CDC42BPA: variants seen among roughly 807,000 people sequenced by gnomAD.
CDC42BPA encodes the protein CDC42 binding protein kinase alpha.
CDC42BPA carries 80 observed loss-of-function variants against 223.5 expected under a neutral mutation model. That is an observed-to-expected ratio of 0.36 (90% CI 0.30 to 0.43). The LOEUF (loss-of-function observed/expected upper bound fraction) is 0.43, where lower values mean the gene tolerates loss of function less well. Among genes scored for constraint, CDC42BPA ranks in the 20% least tolerant of loss-of-function variants. The pLI is 1.00. For synonymous variants in CDC42BPA, 694 were observed against 718.6 expected, an observed-to-expected ratio of 0.97 and a Z score of 0.55; for missense variants, 1,743 against 2,099.9, an observed-to-expected ratio of 0.83 and a Z score of 3.32.
intron 2 of CDC42BPA, among the ~76,000 whole-genome samples, chr1:227,251,163 CTAAA>C (rs1397812391): frequency 1.3e-5 from 2 of 151,034 alleles, no homozygotes; most frequent in Non-Finnish European, 3.0e-5. Flanking sequence ...GTGGGTAAAC[CTAAA>C]TAAATAGGTA....
intron 16 of CDC42BPA, among the ~76,000 whole-genome samples, chr1:227,086,465 A>G (rs142404738): frequency 5.3e-5 from 8 of 152,190 alleles, no homozygotes; most frequent in African/African-American, 1.9e-4. Flanking sequence ...TAGTTCCTCC[A>G]TATCATCATC....
chr1:227,253,218 A>G (rs995059557), intron 2 of CDC42BPA, among the ~76,000 whole-genome samples: 4 of 148,922 alleles, frequency 2.7e-5, no homozygotes, highest in South Asian at 2.2e-4. Flanking sequence ...GAGAGAGGAG[A>G]GAGAGAGGAG....
rs1158018495 is a variant in CDC42BPA at position 227,199,589 on chromosome 1, A to G, written c.418T>C (p.Leu140=). Residue 140 remains leucine (L), a synonymous_variant, in exon 4 of 37, where the codon TTG becomes CTG. Transcript: ENST00000366766. Reference sequence around the variant, plus strand: ...TTGTCATCCTGGAAAGCATAGTGCAAGGTTGTAATCCATTTATTGTCTCCA... The same window carrying G: ...TTGTCATCCTGGAAAGCATAGTGCAGGGTTGTAATCCATTTATTGTCTCCA... ...VNGDNKWITT[L]HYAFQDDNNL... 11 of 1,602,720 alleles carry G rather than the reference A, an allele frequency of 6.9e-6. No individual in the cohort carries two copies. The highest frequency in any genetic ancestry group is 9.4e-6 in the Non-Finnish European group (11 of 1,171,166).
At chr1:227,140,818 C>G (rs920526137) in intron 9 of CDC42BPA, among the ~76,000 whole-genome samples, 1 of 152,000 alleles carries the variant, frequency 6.6e-6, no homozygotes. Context: ...TTTAAGTAGA[C>G]GAGAGGAGAG....
intron 6 of CDC42BPA, among the ~76,000 whole-genome samples, chr1:227,159,964 C>T (rs1663573185): frequency 6.6e-6 from 1 of 152,158 alleles, no homozygotes; most frequent in African/African-American, 2.4e-5. Flanking sequence ...CCACCTCAGA[C>T]TCCTCAGTAG....
At chr1:227,301,334 C>T (rs959879449) in intron 1 of CDC42BPA, among the ~76,000 whole-genome samples, 5 of 151,378 alleles carry the variant, frequency 3.3e-5, no homozygotes, top group African/African-American at 7.3e-5. Flanking sequence ...AAAATAAGAT[C>T]AGTGAAGTAG....
chr1:227,124,355 C>G (rs965880306), intron 11 of CDC42BPA, among the ~76,000 whole-genome samples: 3 of 152,016 alleles, frequency 2.0e-5, no homozygotes, highest in South Asian at 2.1e-4. Context: ...CAAGAAGTAT[C>G]TGGAGGAATG....
At chr1:227,165,519 TAAG>T (rs1664886179) in intron 5 of CDC42BPA, among the ~76,000 whole-genome samples, 1 of 152,032 alleles carries the variant, frequency 6.6e-6, no homozygotes, top group Non-Finnish European at 1.5e-5. Flanking sequence ...AATTGTTAGA[TAAG>T]AAAGGAAAAA....
intron 1 of CDC42BPA, among the ~76,000 whole-genome samples, chr1:227,262,704 C>A (rs981675514): frequency 6.6e-6 from 1 of 152,126 alleles, no homozygotes; most frequent in Non-Finnish European, 1.5e-5. Flanking sequence ...TTTTCACATC[C>A]GCAATCCCAG....
Position 227,147,498 on chromosome 1 carries a change from A to G in CDC42BPA, c.755T>C (p.Met252Thr). The change falls in exon 7 of 37, where the codon ATG becomes ACG. Residue 252 changes from methionine to threonine, a missense_variant. This residue lies in a region of CDC42BPA where 321 missense variants were observed against 488.7 expected (regional missense o/e 0.66). Coordinates refer to ENST00000366766, the MANE Select transcript of CDC42BPA (RefSeq NM_001394014.1). ...DYISPEILQA[M>T]EDGKGRYGPE... ...TCCATATCTCCCTTTTCCATCTTCC[A>G]TGGCTTGAAGGATTTCAGGAGAGAT... The G allele has an allele frequency of 1.2e-6, 2 of 1,613,406 alleles. No homozygotes were observed. Among genetic ancestry groups the G allele is most frequent in the Non-Finnish European group, 1.7e-6 (2 of 1,179,566 alleles).
chr1:227,176,146 T>G (rs1305985985), intron 5 of CDC42BPA, among the ~76,000 whole-genome samples: 1 of 152,154 alleles, frequency 6.6e-6, no homozygotes, highest in Admixed American at 6.5e-5. Flanking sequence ...AGAGACAGGG[T>G]TTCACCATGT....
intron 21 of CDC42BPA, among the ~76,000 whole-genome samples, chr1:227,062,010 T>C (rs1676018403): frequency 6.6e-6 from 1 of 152,258 alleles, no homozygotes; most frequent in South Asian, 2.1e-4. Flanking sequence ...AAAATGAAGC[T>C]GTCACCTTTC....
chr1:227,045,451 T>G (rs760685000), intron 23 of CDC42BPA, among the ~76,000 whole-genome samples: 1 of 152,240 alleles, frequency 6.6e-6, no homozygotes, highest in Non-Finnish European at 1.5e-5. Context: ...GACAGGTATT[T>G]GTCATCCACT....
intron 2 of CDC42BPA, among the ~76,000 whole-genome samples, chr1:227,213,450 G>A (rs372532323): frequency 6.6e-6 from 1 of 151,994 alleles, no homozygotes; most frequent in Non-Finnish European, 1.5e-5. Context: ...ATTTGTGAAC[G>A]CTGTATTAGT....
At position 227,068,654 on chromosome 1, in the gene CDC42BPA, G is replaced by A. The variant is rs774822677; in HGVS notation, c.2904+1123C>T. ...ATTGGTTTGAAAATCAAAGACTTAC[G>A]TCATCCAAAAAATCAATCAGTGAAG... On this transcript the variant is annotated intron_variant, in intron 21 of 36. Coordinates refer to ENST00000366766, the MANE Select transcript of CDC42BPA (RefSeq NM_001394014.1). The A allele has an allele frequency of 1.4e-5, 17 of 1,192,202 alleles. No homozygotes were observed. The Admixed American group carries it at 1.5e-4, about 11-fold the overall frequency. 73.9% of individuals were successfully genotyped at this position (1,192,202 alleles called of 1,614,324 possible).
chr1:227,194,469 A>G (rs1235374700), intron 4 of CDC42BPA, among the ~76,000 whole-genome samples: 1 of 152,226 alleles, frequency 6.6e-6, no homozygotes, highest in Non-Finnish European at 1.5e-5. Context: ...TTATCACCAT[A>G]TGTGTCTCTT....
chr1:227,203,824 C>G (rs1672218472), intron 3 of CDC42BPA, among the ~76,000 whole-genome samples: 1 of 152,154 alleles, frequency 6.6e-6, no homozygotes, highest in Non-Finnish European at 1.5e-5. Context: ...TAAACAGGAA[C>G]AGGAATGCCT....
At chr1:227,019,651 A>G (rs1666999242) in intron 32 of CDC42BPA, among the ~76,000 whole-genome samples, 1 of 151,474 alleles carries the variant, frequency 6.6e-6, no homozygotes, top group Non-Finnish European at 1.5e-5. Flanking sequence ...TCCATGGGCT[A>G]CAGAATGGAT....
At chr1:227,267,457 A>G (rs1685194211) in intron 1 of CDC42BPA, among the ~76,000 whole-genome samples, 1 of 152,182 alleles carries the variant, frequency 6.6e-6, no homozygotes, top group Non-Finnish European at 1.5e-5. Flanking sequence ...AACCCAATCT[A>G]TATCATGTCA....
Sources: gnomAD v4.1 joint callset for allele counts (sites outside exome capture counted in the v4.1 genomes callset) on GRCh38, gnomAD v4.1.1 for gene constraint, gnomAD v4.1.1 regional missense constraint, MANE v1.5 for transcripts, NCBI Gene and HGNC (gene_info 2026-07-23, HGNC 2026-07-21) for gene names.